The following SERF2 variants were observed in gnomAD, a reference collection of about 807,000 sequenced individuals.
SERF2 encodes gastric cancer-related protein VRG107.
SERF2 carries 4 observed loss-of-function variants against 10.7 expected under a neutral mutation model. The observed-to-expected ratio is 0.37, with a 90% CI of 0.18 to 0.86. The LOEUF (loss-of-function observed/expected upper bound fraction) is 0.86. Ranked by LOEUF, SERF2 falls within the 40% of genes least tolerant of loss-of-function variation. The pLI is 0.43. For missense variants in SERF2, 47 were observed against 79.1 expected (o/e 0.59, Z 1.54); for synonymous variants, 26 against 26.0 (o/e 1.00, Z 0.01).
intron 2 of SERF2, 123 bp from the exon 3 acceptor site, chr15:43,793,587 A>G (rs777347701): frequency 1.0e-5 from 16 of 1,575,340 alleles, no homozygotes; most frequent in Admixed American, 3.6e-5. Context: ...GTGGGAGTAC[A>G]GCAGCCAAAC....
upstream of SERF2, among the ~76,000 whole-genome samples, chr15:43,789,429 G>A (rs1726047124): frequency 6.6e-6 from 1 of 152,114 alleles, no homozygotes; most frequent in Non-Finnish European, 1.5e-5. Flanking sequence ...TCCCTCCTGG[G>A]CTTGGCTAAT....
Position 43,795,635 on chromosome 15 carries a change from A to G in SERF2, c.*1862A>G. 1 of 1,610,256 alleles carries G rather than the reference A, an allele frequency of 6.2e-7. No individual in the cohort carries two copies. The highest frequency in any genetic ancestry group is 8.5e-7 in the Non-Finnish European group (1 of 1,177,120). ...TTTGTTAAGGCTCTTGAGGGTTCTT[A>G]TGGCACTCCACAGAGATCTACCACT... is the stretch of plus-strand genomic sequence containing the variant. On this transcript the variant is annotated 3_prime_UTR_variant, in exon 3 of 3. Transcript: ENST00000249786.
upstream of SERF2, among the ~76,000 whole-genome samples, chr15:43,791,328 G>A (rs948068549): frequency 1.1e-4 from 16 of 150,466 alleles, no homozygotes; most frequent in African/African-American, 3.7e-4. Flanking sequence ...TGCAACTTCC[G>A]CCTCCCGGGT....
upstream of SERF2, among the ~76,000 whole-genome samples, chr15:43,787,856 A>T (rs1029249492): frequency 1.3e-4 from 18 of 139,928 alleles, no homozygotes; most frequent in Non-Finnish European, 2.5e-4. Flanking sequence ...ACACCACCAC[A>T]CCTGGCTAGA....
chr15:43,795,129 G>T lies in SERF2; in HGVS notation c.*1356G>T. 1 of 1,614,062 alleles carries T rather than the reference G, an allele frequency of 6.2e-7. No individual in the cohort carries two copies. Among genetic ancestry groups the T allele is most frequent in the African/African-American group, 1.3e-5 (1 of 75,008 alleles). On this transcript the variant is annotated 3_prime_UTR_variant, in exon 3 of 3. Transcript: ENST00000249786. ...GTAACAGCCCCAGATAGAGGAGTAC[G>T]CAGGCCCAGCATGAGGCAACCTTGA... is the stretch of plus-strand genomic sequence containing the variant.
In SERF2 at chr15:43,795,886, C is replaced by T. The variant is rs1266699945; in HGVS notation, c.*2113C>T. 3 of 751,942 alleles carry T rather than the reference C, an allele frequency of 4.0e-6. No homozygotes were observed. Among genetic ancestry groups the T allele is most frequent in the Non-Finnish European group, 6.4e-6 (3 of 468,422 alleles). The allele number at this position is 751,942 out of a possible 1,614,324, so 46.6% of individuals were successfully genotyped here. ...TAGCTCCAGCATATAAGTGGCTGTG[C>T]AGACTTTGGTAAGATGTTTAATCTT... On this transcript the variant is annotated 3_prime_UTR_variant, in exon 3 of 3. Coordinates refer to ENST00000249786, the MANE Select transcript of SERF2 (RefSeq NM_001018108.4).
chr15:43,788,631 C>T (rs2087027007), upstream of SERF2, among the ~76,000 whole-genome samples: 1 of 152,156 alleles, frequency 6.6e-6, no homozygotes, highest in Admixed American at 6.6e-5. Context: ...GACTGGTCTC[C>T]TCATTTCTAT....
chr15:43,792,344 T>A lies in SERF2; in HGVS notation c.-33T>A. ...CAACGTCCGACAGAACGAGGGGACG[T>A]AACGGAGGCAGGTTGGAGCCGCTGC... On this transcript the variant is annotated 5_prime_UTR_variant, in exon 1 of 3. Transcript: ENST00000249786. The A allele has an allele frequency of 6.4e-7, 1 of 1,560,244 alleles. No individual in the cohort carries two copies. Among genetic ancestry groups the A allele is most frequent in the East Asian group, 2.2e-5 (1 of 44,520 alleles).
chr15:43,795,799 A>G lies in SERF2; in HGVS notation c.*2026A>G. On this transcript the variant is annotated 3_prime_UTR_variant, in exon 3 of 3. Coordinates refer to ENST00000249786, the MANE Select transcript of SERF2 (RefSeq NM_001018108.4). ...AGATGTGAGGGTGTTAATCTAGGAA[A>G]CTTCCCCCGTGAAAAGATTGGTCTA... 4 of 1,546,266 alleles carry G rather than the reference A, an allele frequency of 2.6e-6. No individual in the cohort carries two copies. The highest frequency in any genetic ancestry group is 1.2e-5 in the South Asian group (1 of 86,394).
chr15:43,796,087 G>T, downstream of SERF2: 3 of 1,153,632 alleles, frequency 2.6e-6, no homozygotes, highest in African/African-American at 1.5e-5. Flanking sequence ...GTAGAGGTTG[G>T]TAGGATGTGT....
chr15:43,783,438 C>A (rs920830528), intron 1 of SERF2, among the ~76,000 whole-genome samples: 1 of 152,082 alleles, frequency 6.6e-6, no homozygotes, highest in Non-Finnish European at 1.5e-5. Flanking sequence ...GCTGGGACTA[C>A]AGGCATGTGC....
chr15:43,792,479 G>A (rs918892676), intron 1 of SERF2, 96 bp downstream of exon 1: 2 of 1,604,152 alleles, frequency 1.2e-6, no homozygotes, highest in Non-Finnish European at 8.5e-7. Flanking sequence ...AGCTTCCCTA[G>A]CAAGGCGTTT....
chr15:43,786,220 CCTGA>C (rs1296252417), intron 2 of SERF2, among the ~76,000 whole-genome samples: 2 of 151,212 alleles, frequency 1.3e-5, no homozygotes, highest in South Asian at 2.1e-4. Flanking sequence ...TCGAGACCAT[CCTGA>C]CTAACACGGT....
At position 43,777,350 on chromosome 15, in the gene SERF2, GT is replaced by G. The variant is rs1196503092; in HGVS notation, c.-678del. 9.2e-6 allele frequency: 3 copies of G among 327,284 alleles called. No homozygotes were observed. The Admixed American group carries it at 1.2e-4, about 13-fold the overall frequency. 20.3% of individuals were successfully genotyped at this position (327,284 alleles called of 1,614,324 possible). A position where few individuals can be genotyped will look rare whatever the true frequency, so the allele number is the denominator to read the frequency against. On this transcript the variant is annotated 5_prime_UTR_variant, in exon 1 of 5. Coordinates refer to the SERF2 transcript ENST00000381359. ...AGGGGCGGGAGAAAGGGCCTGGTTG[GT>G]AGGCGGGCTCAGCGGTTCGCGCCCA...
intron 1 of SERF2, 165 bp downstream of exon 1, chr15:43,792,548 C>T (rs2087087084): frequency 6.7e-7 from 1 of 1,498,752 alleles, no homozygotes; most frequent in African/African-American, 1.4e-5. Context: ...AGCCCTTTGC[C>T]CACGGCTACT....
chr15:43,795,097 G>A lies in SERF2; in HGVS notation c.*1324G>A, dbSNP rs1298804550. ...TTTCTGGGTGGGGGGCCAACAGAGTGGTGCCAGTAACAGCCCCAGATAGAG... is the reference window on the plus strand; with the variant it reads ...TTTCTGGGTGGGGGGCCAACAGAGTAGTGCCAGTAACAGCCCCAGATAGAG... On this transcript the variant is annotated 3_prime_UTR_variant, in exon 3 of 3. Coordinates refer to ENST00000249786, the MANE Select transcript of SERF2 (RefSeq NM_001018108.4). 6.2e-7 allele frequency: 1 copy of A among 1,613,952 alleles called. No homozygotes were observed. Among genetic ancestry groups the A allele is most frequent in the East Asian group, 2.2e-5 (1 of 44,888 alleles).
At chr15:43,788,878 G>C (rs1385424620), upstream of SERF2, among the ~76,000 whole-genome samples, 1 of 152,076 alleles carries the variant, frequency 6.6e-6, no homozygotes, top group Non-Finnish European at 1.5e-5. Flanking sequence ...GGCCGGGCGC[G>C]GTGGCTCACG....
At chr15:43,780,798 T>C (rs1275180251) in intron 1 of SERF2, among the ~76,000 whole-genome samples, 5 of 152,188 alleles carry the variant, frequency 3.3e-5, no homozygotes, top group South Asian at 4.1e-4. Flanking sequence ...TCTGTCTTAA[T>C]TAAGCACTTA....
chr15:43,779,209 T>G (rs2086946960), intron 1 of SERF2, among the ~76,000 whole-genome samples: 1 of 151,816 alleles, frequency 6.6e-6, no homozygotes, highest in Non-Finnish European at 1.5e-5. Flanking sequence ...TAGGTAGATG[T>G]GGTGGGAGTC....
Sources: gnomAD v4.1 joint callset for allele counts (sites outside exome capture counted in the v4.1 genomes callset) on GRCh38, gnomAD v4.1.1 for gene constraint, MANE v1.5 for transcripts, NCBI Gene and HGNC (gene_info 2026-07-23, HGNC 2026-07-21) for gene names.